Variants in OSBP2 observed in about 807,000 individuals in gnomAD.
OSBP2 encodes oxysterol binding protein 2, also known as oxysterol-binding protein 2.
A neutral mutation model predicts 96.0 loss-of-function variants in OSBP2; 66 were observed. That is an observed-to-expected ratio of 0.69 (90% CI 0.56 to 0.84). The LOEUF is 0.84. OSBP2 is among the 40% of genes least tolerant of loss of function. The pLI is 0.00. For missense variants in OSBP2, 1,038 were observed against 1,222.7 expected, an observed-to-expected ratio of 0.85 and a Z score of 2.25; for synonymous variants, 525 against 520.9, an observed-to-expected ratio of 1.01 and a Z score of -0.11.
intron 2 of OSBP2, among the ~76,000 whole-genome samples, chr22:30,770,959 A>C (rs1033474349): frequency 2.0e-5 from 3 of 152,174 alleles, no homozygotes; most frequent in African/African-American, 7.2e-5. Context: ...ATCTCGGCTC[A>C]TTGCAACTTG....
intron 4 of OSBP2, 119 bp downstream of exon 4, chr22:30,887,737 G>A (rs1413175705): frequency 1.2e-6 from 1 of 823,456 alleles, no homozygotes; most frequent in East Asian, 2.7e-5. Context: ...GCTGGCCTTG[G>A]CCAACTCTTG....
intron 2 of OSBP2, among the ~76,000 whole-genome samples, chr22:30,814,321 G>C (rs980539491): frequency 4.0e-5 from 6 of 151,610 alleles, no homozygotes; most frequent in Non-Finnish European, 5.9e-5. Context: ...CTGCTTTCTT[G>C]CTATGTCCTC....
At chr22:30,694,867 C>A, upstream of OSBP2, 3 of 966,874 alleles carry the variant, frequency 3.1e-6, no homozygotes, top group East Asian at 3.6e-5. Flanking sequence ...GCCTGCCCCC[C>A]GCCCCCACTG....
At chr22:30,892,224 G>C (rs1302449119) in intron 8 of OSBP2, among the ~76,000 whole-genome samples, 1 of 152,158 alleles carries the variant, frequency 6.6e-6, no homozygotes, top group Admixed American at 6.5e-5. Context: ...GCTGCAGAGC[G>C]TTTGGTGTGA....
intron 2 of OSBP2, among the ~76,000 whole-genome samples, chr22:30,854,975 G>C (rs2039051633): frequency 1.2e-5 from 1 of 83,044 alleles, no homozygotes; most frequent in Non-Finnish European, 2.2e-5. Context: ...TTGGGTGAAA[G>C]CCAACTTATA....
At chr22:30,889,098 T>A (rs1692283290) in intron 5 of OSBP2, 79 bp from the exon 6 acceptor site, 1 of 1,266,384 alleles carries the variant, frequency 7.9e-7, no homozygotes, top group African/African-American at 1.5e-5. Flanking sequence ...AAAATGATGT[T>A]GTCTGGAGAG....
At chr22:30,799,544 A>G (rs974819747) in intron 2 of OSBP2, among the ~76,000 whole-genome samples, 1 of 152,272 alleles carries the variant, frequency 6.6e-6, no homozygotes, top group Non-Finnish European at 1.5e-5. Flanking sequence ...ACAAAGGGCA[A>G]CTTGCCCTGG....
chr22:30,891,327 C>T (rs1009142075), intron 8 of OSBP2, among the ~76,000 whole-genome samples: 11 of 152,266 alleles, frequency 7.2e-5, no homozygotes, highest in Non-Finnish European at 1.2e-4. Context: ...GAGCTGAAGG[C>T]GGCTGGCAGG....
intron 1 of OSBP2, among the ~76,000 whole-genome samples, chr22:30,711,551 G>A (rs200245907): frequency 9.0e-4 from 136 of 151,844 alleles, no homozygotes; most frequent in Middle Eastern, 6.8e-3. Context: ...ACCAGCCTGG[G>A]CAACATGGCA....
intron 1 of OSBP2, among the ~76,000 whole-genome samples, chr22:30,707,815 G>A (rs992344360): frequency 1.3e-5 from 2 of 152,060 alleles, no homozygotes; most frequent in Non-Finnish European, 2.9e-5. Context: ...AGCCGAGGGG[G>A]AGTCAATGAA....
chr22:30,782,480 G>T (rs527284379), intron 2 of OSBP2, among the ~76,000 whole-genome samples: 1 of 152,064 alleles, frequency 6.6e-6, no homozygotes. Context: ...GAGCCACTGC[G>T]CCCGGCTGCA....
chr22:30,879,457 G>C (rs1437229574), intron 3 of OSBP2, among the ~76,000 whole-genome samples: 1 of 152,260 alleles, frequency 6.6e-6, no homozygotes, highest in Non-Finnish European at 1.5e-5. Flanking sequence ...AAGTCAAGGA[G>C]ACATTCTGAT....
At chr22:30,889,785 A>C in intron 7 of OSBP2, 149 bp downstream of exon 7, 5 of 716,568 alleles carry the variant, frequency 7.0e-6, no homozygotes, top group African/African-American at 1.8e-5. Flanking sequence ...TAATTATCTA[A>C]TCGTGCACAT....
At position 30,751,290 on chromosome 22, in the gene OSBP2, C is replaced by T. The variant is rs571494550; in HGVS notation, c.853+9921C>T. Among the ~76,000 whole-genome samples, 75 of 152,062 alleles carry T rather than the reference C, an allele frequency of 4.9e-4. No individual in the cohort carries two copies. The South Asian group carries it at 9.8e-3, about 20-fold the overall frequency. On this transcript the variant is annotated intron_variant, in intron 2 of 13. Coordinates refer to ENST00000332585, the MANE Select transcript of OSBP2 (RefSeq NM_030758.4). ...GGGCCATGGTCACTCATATTTGGCT[C>T]AGAATAAATCTCTTCAAATATGTAT...
Position 30,906,423 on chromosome 22 carries a change from T to G in OSBP2, c.*84T>G, listed in dbSNP as rs1175639461. ...GCACTCAATTTAGTACTGAATGGTC[T>G]TTCTCCCAGCCCATTCCCAGCCCTT... is the stretch of plus-strand genomic sequence containing the variant. On this transcript the variant is annotated 3_prime_UTR_variant, in exon 14 of 14. Coordinates refer to ENST00000332585, the MANE Select transcript of OSBP2 (RefSeq NM_030758.4). 3.4e-5 allele frequency: 48 copies of G among 1,429,798 alleles called. No individual in the cohort carries two copies. Among genetic ancestry groups the G allele is most frequent in the Non-Finnish European group, 4.5e-5 (48 of 1,074,340 alleles). The allele number at this position is 1,429,798 out of a possible 1,614,324, so 88.6% of individuals were successfully genotyped here. A position where few individuals can be genotyped will look rare whatever the true frequency, so the allele number is the denominator to read the frequency against.
chr22:30,882,759 G>A (rs1008185914), intron 3 of OSBP2, among the ~76,000 whole-genome samples: 14 of 152,292 alleles, frequency 9.2e-5, no homozygotes, highest in African/African-American at 2.9e-4. Flanking sequence ...TCAGCTGCCC[G>A]GATCTGTGGA....
At chr22:30,766,516 G>A (rs556752210) in intron 2 of OSBP2, among the ~76,000 whole-genome samples, 1 of 152,232 alleles carries the variant, frequency 6.6e-6, no homozygotes, top group East Asian at 1.9e-4. Context: ...TTTGCATTTG[G>A]CAGTGTCCAG....
chr22:30,765,616 T>G (rs2090260680), intron 2 of OSBP2, among the ~76,000 whole-genome samples: 1 of 152,218 alleles, frequency 6.6e-6, no homozygotes, highest in African/African-American at 2.4e-5. Context: ...GATTGCTTAT[T>G]GCTGCTATCT....
At chr22:30,854,732 T>G (rs73404214) in intron 2 of OSBP2, among the ~76,000 whole-genome samples, 23,122 of 152,034 alleles carry the variant, frequency 0.15, 2,484 homozygotes, top group African/African-American at 0.31. Flanking sequence ...TGGTATGCTT[T>G]TCTTTCAGCT....
Sources: allele counts gnomAD v4.1 joint callset (sites outside exome capture counted in the v4.1 genomes callset), GRCh38; gene constraint gnomAD v4.1.1; transcripts MANE v1.5; gene names NCBI Gene and HGNC (gene_info 2026-07-23, HGNC 2026-07-21).